GCH1: variants seen among roughly 807,000 people sequenced by gnomAD.
The protein encoded by GCH1 is GTP cyclohydrolase I.
In GCH1, 5 loss-of-function variants were observed where a neutral mutation model predicts 25.9. The ratio of observed to expected loss-of-function variants is 0.19; its 90% CI spans 0.10 to 0.41. The LOEUF (loss-of-function observed/expected upper bound fraction) is 0.41, where lower values mean the gene tolerates loss of function less well. GCH1 is among the 10% of genes least tolerant of loss of function. GCH1 has a pLI of 1.00. For missense variants in GCH1, 261 were observed against 336.5 expected (o/e 0.78, Z 1.75); for synonymous variants, 159 against 129.6 (o/e 1.23, Z -1.54).
intron 1 of GCH1, chr14:54,878,288 G>A (rs764026118): frequency 2.0e-5 from 3 of 152,726 alleles, no homozygotes; most frequent in Non-Finnish European, 4.4e-5. Context: ...CTCCCTGGAA[G>A]GACAGAGTTA....
intron 1 of GCH1, among the ~76,000 whole-genome samples, chr14:54,880,996 TG>T (rs2040263841): frequency 6.6e-6 from 1 of 151,204 alleles, no homozygotes; most frequent in African/African-American, 2.4e-5. Flanking sequence ...GGCTAATTTT[TG>T]TATTTTTAGT....
intron 1 of GCH1, among the ~76,000 whole-genome samples, chr14:54,880,582 T>A (rs1439054241): frequency 1.7e-5 from 1 of 59,490 alleles, no homozygotes; most frequent in African/African-American, 8.5e-5. Context: ...ATATATATAC[T>A]CCATATATAT....
chr14:54,900,170 A>AC (rs2140123854), intron 1 of GCH1, among the ~76,000 whole-genome samples: 1 of 149,222 alleles, frequency 6.7e-6, no homozygotes, highest in African/African-American at 2.5e-5. Context: ...CGGCCCATGG[A>AC]CTTTTTAAAT....
chr14:54,856,337 C>T (rs2039811183), intron 3 of GCH1, among the ~76,000 whole-genome samples: 1 of 152,226 alleles, frequency 6.6e-6, no homozygotes, highest in African/African-American at 2.4e-5. Flanking sequence ...CTGCCATGTC[C>T]TGCTTCTTTA....
Position 54,902,601 on chromosome 14 carries a change from C to A in GCH1, c.63G>T (p.Gly21=). Residue 21 remains glycine (G), a synonymous_variant, in exon 1 of 6, where the codon GGG becomes GGT. Transcript: ENST00000491895. ...GCCGCGGCGGATCCCGCTCGGGGAA[C>A]CCATTGCTGCACCTGGCGCCCCGCG... ...EKPRGARCSN[G]FPERDPPRPG... The A allele has an allele frequency of 1.3e-6, 2 of 1,498,730 alleles. No homozygotes were observed. The highest frequency in any genetic ancestry group is 1.8e-6 in the Non-Finnish European group (2 of 1,125,980). The allele number at this position is 1,498,730 out of a possible 1,614,324, so 92.8% of individuals were successfully genotyped here.
chr14:54,877,003 C>T (rs1357912173), intron 1 of GCH1, among the ~76,000 whole-genome samples: 2 of 152,170 alleles, frequency 1.3e-5, no homozygotes, highest in Non-Finnish European at 2.9e-5. Context: ...CAGCTAAATG[C>T]TTCATGTGAT....
chr14:54,859,584 T>C (rs2039864315), intron 3 of GCH1, 97 bp downstream of exon 3: 4 of 797,346 alleles, frequency 5.0e-6, no homozygotes, highest in Admixed American at 1.7e-5. Flanking sequence ...GTTAGATCCA[T>C]ACAGGTAAAG....
intron 5 of GCH1, 33 bp from the exon 6 acceptor site, chr14:54,844,176 G>T: frequency 6.9e-7 from 1 of 1,456,396 alleles, no homozygotes; most frequent in East Asian, 2.3e-5. Flanking sequence ...TTGTTTAAAG[G>T]AGTAGACAGC....
chr14:54,845,029 TG>T (rs2039619307), intron 5 of GCH1, among the ~76,000 whole-genome samples: 1 of 151,762 alleles, frequency 6.6e-6, no homozygotes, highest in African/African-American at 2.4e-5. Flanking sequence ...GAAAATTAGC[TG>T]GGTGTGGTGG....
At chr14:54,857,987 C>T (rs985901714) in intron 3 of GCH1, among the ~76,000 whole-genome samples, 3 of 152,204 alleles carry the variant, frequency 2.0e-5, no homozygotes, top group African/African-American at 7.2e-5. Flanking sequence ...AATAGCTGAG[C>T]AGGAATGAGG....
intron 1 of GCH1, among the ~76,000 whole-genome samples, chr14:54,897,552 G>C (rs183482924): frequency 5.7e-4 from 86 of 152,014 alleles, no homozygotes; most frequent in African/African-American, 1.9e-3. Context: ...GCCTCCCAAA[G>C]TGCTGGGATT....
chr14:54,884,353 T>C (rs950637298), intron 1 of GCH1, among the ~76,000 whole-genome samples: 1 of 152,090 alleles, frequency 6.6e-6, no homozygotes, highest in Non-Finnish European at 1.5e-5. Flanking sequence ...AAGTACCATA[T>C]AAAATAAGAT....
intron 1 of GCH1, among the ~76,000 whole-genome samples, chr14:54,894,515 C>A (rs2040460915): frequency 6.6e-6 from 1 of 152,136 alleles, no homozygotes; most frequent in African/African-American, 2.4e-5. Context: ...GTTTGCGGTA[C>A]TGTGTGATAG....
In GCH1 at chr14:54,888,714, A is replaced by G. The variant is rs571255597; in HGVS notation, c.343+13607T>C. Among the ~76,000 whole-genome samples the G allele has an allele frequency of 6.7e-5, 10 of 148,386 alleles. No homozygotes were observed. The South Asian group carries it at 1.5e-3, about 22-fold the overall frequency. On this transcript the variant is annotated intron_variant, in intron 1 of 5. Coordinates refer to ENST00000491895, the MANE Select transcript of GCH1 (RefSeq NM_000161.3). ...TTTTTTTTGTATTTTTAGTAGAGAC[A>G]GGGTTTCAGCGTGTTAGCCAAGATG... is the stretch of plus-strand genomic sequence containing the variant.
intron 1 of GCH1, among the ~76,000 whole-genome samples, chr14:54,870,325 C>CT (rs1232615354): frequency 9.3e-6 from 1 of 107,902 alleles, no homozygotes; most frequent in African/African-American, 3.7e-5. Context: ...TAGCCAGACT[C>CT]TGTTTTTACC....
intron 1 of GCH1, among the ~76,000 whole-genome samples, chr14:54,870,800 G>T (rs1270281525): frequency 6.6e-6 from 1 of 152,222 alleles, no homozygotes; most frequent in Non-Finnish European, 1.5e-5. Context: ...GAGGCTGGGG[G>T]AGGGGCACCC....
intron 3 of GCH1, among the ~76,000 whole-genome samples, chr14:54,853,023 G>A (rs2039757587): frequency 6.6e-6 from 1 of 152,170 alleles, no homozygotes; most frequent in Non-Finnish European, 1.5e-5. Context: ...GAGTGCAATG[G>A]TGCGATCTCA....
Position 54,848,080 on chromosome 14 carries a change from A to C in GCH1, c.510-950T>G, listed in dbSNP as rs1445350188. On this transcript the variant is annotated intron_variant, in intron 3 of 5. Transcript: ENST00000491895. ...ACTTAGTAAGATTAACCCCCAAGAA[A>C]TAAAAGCCTCCTGATCTTAACTTAT... Among the ~76,000 whole-genome samples the C allele has an allele frequency of 2.6e-5, 4 of 152,166 alleles. No individual in the cohort carries two copies. The East Asian group carries it at 7.7e-4, about 29-fold the overall frequency.
At chr14:54,880,692 C>CATATAT (rs1555361306) in intron 1 of GCH1, among the ~76,000 whole-genome samples, 1 of 1,054 alleles carries the variant, frequency 9.5e-4, no homozygotes, top group Non-Finnish European at 3.0e-3. Context: ...TATATATACT[C>CATATAT]ATATATATAT....
Sources: gnomAD v4.1 joint callset for allele counts (sites outside exome capture counted in the v4.1 genomes callset) on GRCh38, gnomAD v4.1.1 for gene constraint, MANE v1.5 for transcripts, NCBI Gene and HGNC (gene_info 2026-07-23, HGNC 2026-07-21) for gene names.